The following GPC5 variants were observed in gnomAD, a reference collection of about 807,000 sequenced individuals.
GPC5 encodes glypican 5.
In GPC5, 47 loss-of-function variants were observed where a neutral mutation model predicts 53.9. The ratio of observed to expected loss-of-function variants is 0.87; its 90% CI spans 0.69 to 1.11. The LOEUF is 1.11. Among genes scored for constraint, GPC5 ranks in the 50% most tolerant of loss-of-function variants. The pLI is 0.00. For missense variants in GPC5, 748 were observed against 713.1 expected (o/e 1.05, Z -0.56); for synonymous variants, 286 against 263.3 (o/e 1.09, Z -0.84).
intron 7 of GPC5, among the ~76,000 whole-genome samples, chr13:92,577,388 C>A (rs923297244): frequency 6.8e-6 from 1 of 147,226 alleles, no homozygotes; most frequent in Non-Finnish European, 1.5e-5. Flanking sequence ...AGATAAACAT[C>A]GACATGAATG....
chr13:91,837,860 T>C (rs193173259), intron 5 of GPC5, among the ~76,000 whole-genome samples: 222 of 152,184 alleles, frequency 1.5e-3, no homozygotes, highest in Non-Finnish European at 2.4e-3. Flanking sequence ...AGCCATGAAT[T>C]TGGATGTCAT....
In GPC5 at chr13:92,023,533, A is replaced by G. The variant is rs549855824; in HGVS notation, c.1401+115476A>G. Among the ~76,000 whole-genome samples the G allele has an allele frequency of 2.1e-3, 318 of 152,110 alleles. 3 individuals are homozygous for G. The highest frequency in any genetic ancestry group is 7.2e-3 in the African/African-American group (297 of 41,514). ...CTGTCATTTGCTGTTATTCTCAGCA[A>G]ATGAGAAGTACTTACATTTTATTAT... is the stretch of plus-strand genomic sequence containing the variant. On this transcript the variant is annotated intron_variant, in intron 6 of 7. Transcript: ENST00000377067.
At chr13:92,776,744 C>T (rs1875822903) in intron 7 of GPC5, among the ~76,000 whole-genome samples, 1 of 152,084 alleles carries the variant, frequency 6.6e-6, no homozygotes, top group Non-Finnish European at 1.5e-5. Flanking sequence ...GTATGTCATG[C>T]TATAACAGAC....
chr13:92,550,360 GTA>G (rs1433827917), intron 7 of GPC5, among the ~76,000 whole-genome samples: 4 of 151,804 alleles, frequency 2.6e-5, no homozygotes, highest in African/African-American at 9.7e-5. Flanking sequence ...TCTCTATTCA[GTA>G]TATATGTCTC....
At chr13:92,511,302 C>A (rs1594262455) in intron 7 of GPC5, among the ~76,000 whole-genome samples, 1 of 152,130 alleles carries the variant, frequency 6.6e-6, no homozygotes, top group East Asian at 1.9e-4. Flanking sequence ...TTTCTGCATT[C>A]TGGGAAAGTA....
At chr13:92,469,433 A>G (rs865913366) in intron 7 of GPC5, among the ~76,000 whole-genome samples, 3 of 152,142 alleles carry the variant, frequency 2.0e-5, no homozygotes, top group South Asian at 4.1e-4. Flanking sequence ...TAGTTCAAAC[A>G]TTTATTTCAC....
At chr13:92,835,892 T>A (rs75411553) in intron 7 of GPC5, among the ~76,000 whole-genome samples, 1 of 152,110 alleles carries the variant, frequency 6.6e-6, no homozygotes, top group African/African-American at 2.4e-5. Flanking sequence ...CTGATTGATA[T>A]GAAATGCTAT....
At chr13:92,086,831 G>A (rs944331113) in intron 6 of GPC5, among the ~76,000 whole-genome samples, 4 of 151,972 alleles carry the variant, frequency 2.6e-5, no homozygotes, top group African/African-American at 9.7e-5. Flanking sequence ...GCTAATTTTT[G>A]TATTTTTAGT....
At chr13:92,748,596 C>T (rs1889301603) in intron 7 of GPC5, among the ~76,000 whole-genome samples, 1 of 152,010 alleles carries the variant, frequency 6.6e-6, no homozygotes, top group South Asian at 2.1e-4. Flanking sequence ...GCTGGGATTA[C>T]AGGTGTGAGC....
chr13:91,751,410 T>A (rs1323981227), intron 4 of GPC5, among the ~76,000 whole-genome samples: 1 of 152,168 alleles, frequency 6.6e-6, no homozygotes, highest in African/African-American at 2.4e-5. Context: ...TTGAGAACAA[T>A]AACATTGTGT....
At chr13:91,445,192 G>A (rs1880701446) in intron 1 of GPC5, among the ~76,000 whole-genome samples, 3 of 152,078 alleles carry the variant, frequency 2.0e-5, no homozygotes, top group Non-Finnish European at 2.9e-5. Context: ...TCACTTAAGC[G>A]AAGCACTTTG....
chr13:91,857,329 C>T (rs1404955535), intron 5 of GPC5, among the ~76,000 whole-genome samples: 2 of 151,220 alleles, frequency 1.3e-5, no homozygotes, highest in South Asian at 2.1e-4. Context: ...TGAAAACTGG[C>T]GTCTTAACAT....
At chr13:92,210,742 A>G (rs980724751) in intron 7 of GPC5, among the ~76,000 whole-genome samples, 8 of 152,232 alleles carry the variant, frequency 5.3e-5, no homozygotes, top group Admixed American at 2.6e-4. Flanking sequence ...AGGGAATAGC[A>G]AAAGCTCTGA....
chr13:91,914,422 C>T (rs2039638979), intron 6 of GPC5, among the ~76,000 whole-genome samples: 1 of 151,972 alleles, frequency 6.6e-6, no homozygotes, highest in South Asian at 2.1e-4. Flanking sequence ...ATTAAATATT[C>T]ATTTTTATAG....
At chr13:92,148,740 G>A (rs2041886335) in intron 7 of GPC5, among the ~76,000 whole-genome samples, 1 of 152,028 alleles carries the variant, frequency 6.6e-6, no homozygotes, top group African/African-American at 2.4e-5. Flanking sequence ...GTAGCTAACT[G>A]ATGAAGGTTC....
intron 2 of GPC5, among the ~76,000 whole-genome samples, chr13:91,458,262 G>A (rs903429058): frequency 1.3e-5 from 2 of 152,176 alleles, no homozygotes; most frequent in East Asian, 1.9e-4. Context: ...GAGGGTGATC[G>A]GAAAGGATAT....
chr13:91,449,939 A>G (rs992571729), intron 2 of GPC5, among the ~76,000 whole-genome samples: 6 of 152,188 alleles, frequency 3.9e-5, no homozygotes, highest in African/African-American at 1.2e-4. Flanking sequence ...TCAATGCAGA[A>G]TATAACTTCT....
chr13:92,651,252 AT>A (rs1026570404), intron 7 of GPC5, among the ~76,000 whole-genome samples: 12 of 151,682 alleles, frequency 7.9e-5, no homozygotes, highest in East Asian at 5.8e-4. Flanking sequence ...TGAAAAAAAA[AT>A]AGAGTTACTT....
At chr13:92,067,867 T>C (rs1304488967) in intron 6 of GPC5, among the ~76,000 whole-genome samples, 1 of 151,978 alleles carries the variant, frequency 6.6e-6, no homozygotes, top group Non-Finnish European at 1.5e-5. Context: ...TAAGGACATA[T>C]ACCAAAATAT....
Sources: allele counts gnomAD v4.1 joint callset (sites outside exome capture counted in the v4.1 genomes callset), GRCh38; gene constraint gnomAD v4.1.1; transcripts MANE v1.5; gene names NCBI Gene and HGNC (gene_info 2026-07-23, HGNC 2026-07-21).